The following SLC4A7 variants were observed in gnomAD, a reference collection of about 807,000 sequenced individuals.
SLC4A7 encodes sodium bicarbonate cotransporter 3.
A neutral mutation model predicts 137.6 loss-of-function variants in SLC4A7; 51 were observed. The observed-to-expected ratio is 0.37, with a 90% CI of 0.30 to 0.47. The LOEUF (loss-of-function observed/expected upper bound fraction) is 0.47. Among genes scored for constraint, SLC4A7 ranks in the 20% least tolerant of loss-of-function variants. SLC4A7 has a pLI of 1.00. For missense variants in SLC4A7, 1,247 were observed against 1,525.4 expected, an observed-to-expected ratio of 0.82 and a Z score of 3.04; for synonymous variants, 542 against 518.6, an observed-to-expected ratio of 1.05 and a Z score of -0.61.
chr3:27,382,631 C>T (rs982045320), intron 24 of SLC4A7, among the ~76,000 whole-genome samples: 5 of 152,022 alleles, frequency 3.3e-5, no homozygotes, highest in African/African-American at 4.8e-5. Flanking sequence ...GAACCCTCAC[C>T]GCCAATAATC....
chr3:27,409,227 T>G (rs1016944684), intron 13 of SLC4A7, 129 bp downstream of exon 13: 1 of 654,064 alleles, frequency 1.5e-6, no homozygotes, highest in African/African-American at 1.8e-5. Context: ...GGGGAAAGTC[T>G]GCTTTGGGTC....
intron 16 of SLC4A7, among the ~76,000 whole-genome samples, chr3:27,398,571 T>G (rs1483523782): frequency 6.6e-6 from 1 of 152,176 alleles, no homozygotes; most frequent in East Asian, 1.9e-4. Flanking sequence ...GAAAAATACG[T>G]GCATCTCAAA....
chr3:27,472,968 T>G (rs929509853), intron 1 of SLC4A7, among the ~76,000 whole-genome samples: 1 of 151,872 alleles, frequency 6.6e-6, no homozygotes, highest in Non-Finnish European at 1.5e-5. Context: ...TAATCCCAGC[T>G]ACTCGGGAGG....
chr3:27,409,330 T>A (rs1274514835), intron 13 of SLC4A7, 26 bp downstream of exon 13: 1 of 1,556,994 alleles, frequency 6.4e-7, no homozygotes, highest in Non-Finnish European at 8.7e-7. Context: ...GCTAAAAGCC[T>A]GGCCACTACC....
chr3:27,422,823 G>T, intron 8 of SLC4A7: 1 of 456,068 alleles, frequency 2.2e-6, no homozygotes, highest in South Asian at 1.5e-5. Context: ...CACAACTACA[G>T]TGCCAGGAGG....
At chr3:27,455,654 G>C (rs2150580635) in intron 1 of SLC4A7, among the ~76,000 whole-genome samples, 1 of 145,840 alleles carries the variant, frequency 6.9e-6, no homozygotes, top group Non-Finnish European at 1.5e-5. Flanking sequence ...GAAGCAGGCA[G>C]ATCACTTGAG....
chr3:27,483,064 G>T (rs994544181), intron 1 of SLC4A7, among the ~76,000 whole-genome samples: 1 of 152,212 alleles, frequency 6.6e-6, no homozygotes, highest in Admixed American at 6.5e-5. Flanking sequence ...TGAAAGACCG[G>T]ACAATTTTCC....
intron 3 of SLC4A7, among the ~76,000 whole-genome samples, chr3:27,442,603 G>A (rs1422773745): frequency 1.3e-5 from 2 of 152,028 alleles, no homozygotes; most frequent in African/African-American, 4.8e-5. Flanking sequence ...AGAGACTAGG[G>A]TTTCACTATG....
chr3:27,384,297 G>T (rs1018299705), intron 23 of SLC4A7, among the ~76,000 whole-genome samples: 1 of 152,144 alleles, frequency 6.6e-6, no homozygotes, highest in Non-Finnish European at 1.5e-5. Flanking sequence ...CCTTAAACTT[G>T]ACAATATGGT....
chr3:27,393,755 T>C (rs932625061), intron 20 of SLC4A7, among the ~76,000 whole-genome samples: 10 of 152,148 alleles, frequency 6.6e-5, no homozygotes, highest in Admixed American at 2.6e-4. Context: ...AAGGAAGCCT[T>C]AATTATCATC....
At chr3:27,469,997 T>G (rs1272974662) in intron 1 of SLC4A7, among the ~76,000 whole-genome samples, 1 of 152,228 alleles carries the variant, frequency 6.6e-6, no homozygotes, top group East Asian at 1.9e-4. Flanking sequence ...CCTTTAACCA[T>G]GTATTGGCAT....
chr3:27,463,300 G>A (rs2058795822), intron 1 of SLC4A7, among the ~76,000 whole-genome samples: 1 of 152,122 alleles, frequency 6.6e-6, no homozygotes, highest in Admixed American at 6.5e-5. Flanking sequence ...GCGTGGTGGC[G>A]GGCGCCTATA....
intron 16 of SLC4A7, among the ~76,000 whole-genome samples, chr3:27,399,079 T>G (rs999389746): frequency 6.6e-6 from 1 of 151,218 alleles, no homozygotes; most frequent in African/African-American, 2.4e-5. Flanking sequence ...TCCTTTTTCT[T>G]ACTTATAATC....
intron 2 of SLC4A7, among the ~76,000 whole-genome samples, chr3:27,451,320 C>T (rs1002469402): frequency 6.6e-6 from 1 of 151,932 alleles, no homozygotes; most frequent in Non-Finnish European, 1.5e-5. Context: ...TATAAACATC[C>T]CCCAAAAATG....
At position 27,434,006 on chromosome 3, in the gene SLC4A7, C is replaced by T. The variant is rs2056530656; in HGVS notation, c.688G>A (p.Glu230Lys). Residue 230 changes from glutamate to lysine, a missense_variant, in exon 6 of 26, where the codon GAG becomes AAG. Physicochemically the swap from Glu to Lys is moderately conservative, Grantham distance 56 (BLOSUM62 1). Coordinates refer to ENST00000454389, the MANE Select transcript of SLC4A7 (RefSeq NM_001321103.2). ...GGAATCCGACTGGTGAATCTTTTCT[C>T]ATTCTGATGATGATGTCTCTTCAGA... is the stretch of plus-strand genomic sequence containing the variant. ...ALLKRHHHQN[E>K]KRFTSRIPLV... is the part of the protein sequence containing the mutation. 2 of 1,613,828 alleles carry T rather than the reference C, an allele frequency of 1.2e-6. No individual in the cohort carries two copies. Among genetic ancestry groups the T allele is most frequent in the Non-Finnish European group, 8.5e-7 (1 of 1,179,874 alleles).
chr3:27,447,391 G>A (rs1318039539), intron 3 of SLC4A7, among the ~76,000 whole-genome samples: 1 of 152,140 alleles, frequency 6.6e-6, no homozygotes, highest in Non-Finnish European at 1.5e-5. Flanking sequence ...TATGCCATCA[G>A]TATTTTCCTT....
chr3:27,421,861 A>T, intron 8 of SLC4A7, 82 bp from the exon 9 acceptor site: 1 of 975,760 alleles, frequency 1.0e-6, no homozygotes, highest in Non-Finnish European at 1.5e-6. Flanking sequence ...AAACTGCTTT[A>T]TAAGACTACT....
Position 27,431,526 on chromosome 3 carries a change from A to C in SLC4A7, c.922T>G (p.Cys308Gly). The C allele has an allele frequency of 1.2e-6, 2 of 1,614,110 alleles. No homozygotes were observed. Among genetic ancestry groups the C allele is most frequent in the Non-Finnish European group, 8.5e-7 (1 of 1,180,000 alleles). The change falls in exon 7 of 26, where the codon TGT (cysteine) becomes GGT (glycine). Residue 308 changes from cysteine to glycine, a missense_variant. Cys to Gly is a radical substitution (Grantham distance 159). Coordinates refer to ENST00000454389, the MANE Select transcript of SLC4A7 (RefSeq NM_001321103.2). Reference protein sequence around the residue: ...SRAGTPAGSRCTTPVPTPQNS... With the variant: ...SRAGTPAGSRGTTPVPTPQNS... The stretch of plus-strand genomic sequence containing the variant: ...TGAGGGGTGGGTACTGGGGTTGTAC[A>C]CCTTGAGCCTGCAGGGGTTCCAGCT...
intron 7 of SLC4A7, chr3:27,424,544 G>C (rs1255491797): frequency 1.3e-5 from 2 of 154,006 alleles, no homozygotes; most frequent in African/African-American, 2.4e-5. Context: ...GCTGTACTTA[G>C]CATGCTTTCA....
Sources: gnomAD v4.1 joint callset for allele counts (sites outside exome capture counted in the v4.1 genomes callset) on GRCh38, gnomAD v4.1.1 for gene constraint, MANE v1.5 for transcripts, NCBI Gene and HGNC (gene_info 2026-07-23, HGNC 2026-07-21) for gene names.